The following ARRDC2 variants were observed in gnomAD, a reference collection of about 807,000 sequenced individuals.
The protein encoded by ARRDC2 is arrestin domain-containing protein 2.
A neutral mutation model predicts 38.9 loss-of-function variants in ARRDC2; 39 were observed. That is an observed-to-expected ratio of 1.00 (90% CI 0.78 to 1.31). The LOEUF (loss-of-function observed/expected upper bound fraction) is 1.31. Among genes scored for constraint, ARRDC2 ranks in the 50% most tolerant of loss-of-function variants. The probability of loss-of-function intolerance (pLI) is 0.00; values close to 1 mark genes in which losing one functional copy is unlikely to be tolerated. For synonymous variants in ARRDC2, 300 were observed against 261.9 expected (o/e 1.15, Z -1.41); for missense variants, 553 against 588.4 (o/e 0.94, Z 0.62).
rs769945036 is a variant in ARRDC2 at position 18,012,998 on chromosome 19, G to A, written c.*32G>A. 1 of 1,611,010 alleles carries A rather than the reference G, an allele frequency of 6.2e-7. No individual in the cohort carries two copies. Among genetic ancestry groups the A allele is most frequent in the Admixed American group, 1.7e-5 (1 of 59,810 alleles). ...CAGGGACCCCTCGAGGAACAAGGTT[G>A]CACACCAGCTTTCAGCCACCATGAC... On this transcript the variant is annotated 3_prime_UTR_variant, in exon 8 of 8. Coordinates refer to ENST00000222250, the MANE Select transcript of ARRDC2 (RefSeq NM_015683.2).
chr19:18,004,531 G>A (rs996966690), upstream of ARRDC2, among the ~76,000 whole-genome samples: 1 of 151,026 alleles, frequency 6.6e-6, no homozygotes, highest in Admixed American at 6.6e-5. Context: ...ACAGGCGTGA[G>A]CCACCGCGCC....
At position 18,009,793 on chromosome 19, in the gene ARRDC2, C is replaced by A. The variant is rs754120833; in HGVS notation, c.603C>A (p.Ile201=). Reference sequence around the variant, plus strand: ...TGCTCCTTGCTGCAGGAGAGGTCATCCCTGTCTTTGCCGAGATCGACAACG... The same window carrying A: ...TGCTCCTTGCTGCAGGAGAGGTCATACCTGTCTTTGCCGAGATCGACAACG... ...DRKGYTPGEV[I]PVFAEIDNGS... is the part of the protein sequence containing the mutation. The change falls in exon 5 of 8, where the codon ATC becomes ATA. Residue 201 remains isoleucine (I), a synonymous_variant. Transcript: ENST00000222250. 4.3e-6 allele frequency: 7 copies of A among 1,612,782 alleles called. No individual in the cohort carries two copies. In the African/African-American group the frequency reaches 8.0e-5, roughly 18 times the overall value.
chr19:18,003,306 ACTCAGGCTGGAGTGCAGTGGCACGAT>A (rs1197398582), upstream of ARRDC2, among the ~76,000 whole-genome samples: 2 of 152,024 alleles, frequency 1.3e-5, no homozygotes, highest in African/African-American at 4.8e-5. Flanking sequence ...TTACTCTGTT[ACTCAGGCTGGAGTGCAGTGGCACGAT>A]CTCGGCTCAC....
In ARRDC2 at chr19:18,010,214, G is replaced by A. The variant is rs756714775; in HGVS notation, c.868G>A (p.Gly290Arg). 3 of 1,613,442 alleles carry A rather than the reference G, an allele frequency of 1.9e-6. No individual in the cohort carries two copies. In the African/African-American group the frequency reaches 4.0e-5, roughly 22 times the overall value. The change falls in exon 6 of 8, where the codon GGA becomes AGA. Residue 290 changes from glycine (G) to arginine (R), a missense_variant. Around this residue, in one of 3 missense-constraint regions of ARRDC2, gnomAD observed 447 missense variants for 456.6 expected, o/e 0.98. Coordinates refer to ENST00000222250, the MANE Select transcript of ARRDC2 (RefSeq NM_015683.2). Reference sequence around the variant, plus strand: ...CCTCCAGGTCTGTGTGGATATCCCAGGAACGTCCAAGCTGCTGCTGGAGCT... The same window carrying A: ...CCTCCAGGTCTGTGTGGATATCCCAAGAACGTCCAAGCTGCTGCTGGAGCT... ...YALKVCVDIPGTSKLLLELPL... is the reference protein window; with the variant it reads ...YALKVCVDIPRTSKLLLELPL...
chr19:18,012,041 C>A (rs1245422786), intron 7 of ARRDC2, among the ~76,000 whole-genome samples: 1 of 144,954 alleles, frequency 6.9e-6, no homozygotes, highest in Non-Finnish European at 1.5e-5. Context: ...ACTGCAATCT[C>A]CACCTCCCGG....
At chr19:18,006,075 C>G (rs1056089149), upstream of ARRDC2, among the ~76,000 whole-genome samples, 9 of 151,104 alleles carry the variant, frequency 6.0e-5, no homozygotes, top group East Asian at 5.9e-4. Context: ...GGATGGCGGC[C>G]GGGAAGAGGC....
rs762239829 is a variant in ARRDC2, at chr19:18,008,519, C to G, written c.209C>G (p.Ala70Gly). Residue 70 changes from alanine to glycine, a missense_variant, in exon 1 of 8, where the codon GCT (alanine) becomes GGT (glycine). Ala to Gly is a moderately conservative substitution (Grantham distance 60, BLOSUM62 0). Around this residue, in one of 3 missense-constraint regions of ARRDC2, gnomAD observed 447 missense variants for 456.6 expected, o/e 0.98. Transcript: ENST00000222250. ...TCGCGCAGCGCGGGCTCGAGCACGG[C>G]TTACACGCAGAGCTACAGTGAACGC... Reference protein sequence around the residue: ...TESRSAGSSTAYTQSYSERVE... With the variant: ...TESRSAGSSTGYTQSYSERVE... 1.3e-6 allele frequency: 2 copies of G among 1,541,694 alleles called. No individual in the cohort carries two copies. The highest frequency in any genetic ancestry group is 2.7e-5 in the African/African-American group (2 of 73,008).
intron 1 of ARRDC2, chr19:18,001,597 C>A: frequency 7.7e-7 from 1 of 1,303,882 alleles, no homozygotes; most frequent in South Asian, 2.0e-5. Flanking sequence ...CGCGCCGCCC[C>A]CGCAGCAGCC....
chr19:18,008,116 A>ACGCCCC, upstream of ARRDC2: 175 of 522,482 alleles, frequency 3.3e-4, no homozygotes, highest in Non-Finnish European at 4.8e-4. Context: ...AGAGACGGTG[A>ACGCCCC]CCCCACCCCC....
At chr19:18,001,173 C>T in exon 1 of ARRDC2, 1 of 941,264 alleles carries the variant, frequency 1.1e-6, no homozygotes, top group Non-Finnish European at 1.3e-6. Flanking sequence ...GGGCCACCGG[C>T]GCCGGCCCAA....
intron 7 of ARRDC2, among the ~76,000 whole-genome samples, chr19:18,012,571 A>G (rs1285321302): frequency 1.3e-5 from 2 of 152,158 alleles, no homozygotes; most frequent in Non-Finnish European, 2.9e-5. Context: ...TGGGTGACAA[A>G]GCGAGACTCT....
At chr19:18,007,934 G>A (rs2033312174), upstream of ARRDC2, 2 of 340,934 alleles carry the variant, frequency 5.9e-6, no homozygotes, top group East Asian at 1.9e-4. Context: ...CTTTACCCCC[G>A]GGGTCCGCGA....
At chr19:18,001,379 G>T in exon 1 of ARRDC2, 1 of 1,207,166 alleles carries the variant, frequency 8.3e-7, no homozygotes, top group Non-Finnish European at 1.0e-6. Flanking sequence ...GGCGCCTACC[G>T]CGGCGGGGAG....
chr19:18,013,535 A>G lies in ARRDC2; in HGVS notation c.*569A>G, dbSNP rs767213848. 1 of 152,746 alleles carries G rather than the reference A, an allele frequency of 6.5e-6. No individual in the cohort carries two copies. The highest frequency in any genetic ancestry group is 1.5e-5 in the Non-Finnish European group (1 of 68,298). The allele number at this position is 152,746 out of a possible 1,614,324, so 9.5% of individuals were successfully genotyped here. A position where few individuals can be genotyped will look rare whatever the true frequency, so the allele number is the denominator to read the frequency against. ...TCAGAGGGCAGGTGCCTCAGAGTTG[A>G]GGCCACACAGTGAGGTCTGGTGGGT... On this transcript the variant is annotated 3_prime_UTR_variant, in exon 8 of 8. Transcript: ENST00000222250.
upstream of ARRDC2, chr19:18,008,120 C>CCCCCCCCCCCCCCCCCCCCCAAAAAAAA: frequency 1.7e-6 from 1 of 572,700 alleles, no homozygotes; most frequent in Non-Finnish European, 2.6e-6. Flanking sequence ...ACGGTGACCC[C>CCCCCCCCCCCCCCCCCCCCCAAAAAAAA]ACCCCCCCCC....
At chr19:18,005,947 C>G (rs951779452), upstream of ARRDC2, among the ~76,000 whole-genome samples, 5 of 149,352 alleles carry the variant, frequency 3.3e-5, no homozygotes, top group Non-Finnish European at 1.5e-5. Flanking sequence ...ACCTCCCAGA[C>G]GGGGTCGCGG....
upstream of ARRDC2, among the ~76,000 whole-genome samples, chr19:18,005,883 G>A (rs1184942752): frequency 4.2e-5 from 6 of 143,850 alleles, no homozygotes; most frequent in African/African-American, 7.8e-5. Flanking sequence ...GGCGGCTGCC[G>A]GGCGGAGGGG....
intron 1 of ARRDC2, among the ~76,000 whole-genome samples, chr19:18,001,779 C>A (rs1197063361): frequency 1.3e-5 from 2 of 152,132 alleles, no homozygotes; most frequent in Non-Finnish European, 2.9e-5. Flanking sequence ...CCCATGTCTC[C>A]AAAAACTACA....
Position 18,008,430 on chromosome 19 carries a change from C to T in ARRDC2, c.120C>T (p.Ser40=), listed in dbSNP as rs988164490. 2.3e-5 allele frequency: 36 copies of T among 1,588,704 alleles called. No individual in the cohort carries two copies. Among genetic ancestry groups the T allele is most frequent in the Non-Finnish European group, 3.0e-5 (35 of 1,175,226 alleles). Residue 40 remains serine, a synonymous_variant, in exon 1 of 8, where the codon AGC becomes AGT. Coordinates refer to ENST00000222250, the MANE Select transcript of ARRDC2 (RefSeq NM_015683.2). ...GCCGGGTGCTGCTGGAGCTGTCAAGCGCCGCGCGTGTGGGTGCCCTGAGGC... is the reference window on the plus strand; with the variant it reads ...GCCGGGTGCTGCTGGAGCTGTCAAGTGCCGCGCGTGTGGGTGCCCTGAGGC... ...VAGRVLLELS[S]AARVGALRLR... is the part of the protein sequence containing the mutation.
Sources: gnomAD v4.1 joint callset for allele counts (sites outside exome capture counted in the v4.1 genomes callset) on GRCh38, gnomAD v4.1.1 for gene constraint, gnomAD v4.1.1 regional missense constraint, MANE v1.5 for transcripts, NCBI Gene and HGNC (gene_info 2026-07-23, HGNC 2026-07-21) for gene names.